KIAA1217: variants seen among roughly 807,000 people sequenced by gnomAD.
KIAA1217 encodes the protein KIAA1217.
KIAA1217 carries 88 observed loss-of-function variants against 163.9 expected under a neutral mutation model. That is an observed-to-expected ratio of 0.54 (90% CI 0.45 to 0.64). The LOEUF (loss-of-function observed/expected upper bound fraction) is 0.64. KIAA1217 is among the 30% of genes least tolerant of loss of function. The probability of loss-of-function intolerance (pLI) is 0.00; values close to 1 mark genes in which losing one functional copy is unlikely to be tolerated. For synonymous variants in KIAA1217, 903 were observed against 923.1 expected, an observed-to-expected ratio of 0.98 and a Z score of 0.39; for missense variants, 2,372 against 2,475.0, an observed-to-expected ratio of 0.96 and a Z score of 0.88.
At chr10:23,740,368 G>C (rs2130808604) in intron 1 of KIAA1217, among the ~76,000 whole-genome samples, 1 of 152,204 alleles carries the variant, frequency 6.6e-6, no homozygotes, top group East Asian at 1.9e-4. Flanking sequence ...GTATTAGATT[G>C]TTTTAGTTTT....
intron 3 of KIAA1217, among the ~76,000 whole-genome samples, chr10:24,393,390 G>A (rs577792694): frequency 4.6e-5 from 7 of 152,204 alleles, no homozygotes; most frequent in Non-Finnish European, 1.0e-4. Flanking sequence ...CCTGTCTGGA[G>A]ATGAGGTTCT....
Position 23,982,529 on chromosome 10 carries a change from TTCTCTCTCTCTCTCTCTC to T in KIAA1217, c.-320-24661_-320-24644del, listed in dbSNP as rs59075123. ...TCCTCTGTATTGCTCTGTTTTTTGT[TTCTCTCTCTCTCTCTCTC>T]TCTCTCTCTCTCTCTCTCTCTCTCT... On this transcript the variant is annotated intron_variant, in intron 1 of 18. Transcript: ENST00000376462. Among the ~76,000 whole-genome samples the T allele has an allele frequency of 6.5e-4, 48 of 73,628 alleles. No homozygotes were observed. The East Asian group carries it at 6.9e-3, about 11-fold the overall frequency. The allele number at this position is 73,628 out of a possible 152,430, so 48.3% of individuals were successfully genotyped here. A position where few individuals can be genotyped will look rare whatever the true frequency, so the allele number is the denominator to read the frequency against.
At chr10:23,975,265 C>T (rs1292677993) in intron 1 of KIAA1217, among the ~76,000 whole-genome samples, 1 of 152,150 alleles carries the variant, frequency 6.6e-6, no homozygotes, top group Non-Finnish European at 1.5e-5. Flanking sequence ...CCGTGGGTCT[C>T]TTGTCTGGCT....
At chr10:23,815,063 T>A (rs1422529759) in intron 1 of KIAA1217, among the ~76,000 whole-genome samples, 1 of 152,220 alleles carries the variant, frequency 6.6e-6, no homozygotes, top group Non-Finnish European at 1.5e-5. Flanking sequence ...AATGAGTAGA[T>A]GAGATCATGG....
intron 2 of KIAA1217, chr10:24,042,272 T>C (rs1426378329): frequency 2.6e-5 from 4 of 152,044 alleles, no homozygotes; most frequent in Non-Finnish European, 5.9e-5. Flanking sequence ...TGTTGTTTTT[T>C]CTGCCATTTA....
intron 2 of KIAA1217, among the ~76,000 whole-genome samples, chr10:24,159,296 A>C (rs999399617): frequency 6.6e-6 from 1 of 152,144 alleles, no homozygotes; most frequent in Admixed American, 6.5e-5. Flanking sequence ...GCATTCTTTT[A>C]AAAAAACCTA....
chr10:23,819,136 A>G (rs34813533), intron 1 of KIAA1217, among the ~76,000 whole-genome samples: 49,994 of 152,066 alleles, frequency 0.33, 9,935 homozygotes, highest in African/African-American at 0.56. Context: ...AAGGGTGCTG[A>G]TGGCACCTCA....
intron 1 of KIAA1217, among the ~76,000 whole-genome samples, chr10:23,980,774 A>G (rs1169013705): frequency 6.6e-6 from 1 of 152,148 alleles, no homozygotes; most frequent in Non-Finnish European, 1.5e-5. Context: ...CTTGGGTCAC[A>G]ATTCCGTTCA....
chr10:24,242,652 T>C lies in KIAA1217; in HGVS notation c.354+22743T>C, dbSNP rs529976557. Among the ~76,000 whole-genome samples the C allele has an allele frequency of 2.6e-5, 4 of 152,330 alleles. No homozygotes were observed. In the East Asian group the frequency reaches 5.8e-4, roughly 22 times the overall value. The stretch of plus-strand genomic sequence containing the variant: ...AATGGTAGTTCTGTTTTAAGCTCTT[T>C]GAGAAATCTCCACACTGCCTTCCAC... On this transcript the variant is annotated intron_variant, in intron 2 of 20. Coordinates refer to ENST00000376454, the MANE Select transcript of KIAA1217 (RefSeq NM_019590.5).
chr10:24,476,122 G>T (rs1471522421), intron 6 of KIAA1217, among the ~76,000 whole-genome samples: 2 of 152,152 alleles, frequency 1.3e-5, no homozygotes, highest in African/African-American at 4.8e-5. Context: ...GATTAGTTTA[G>T]ATGTAATATT....
intron 6 of KIAA1217, among the ~76,000 whole-genome samples, chr10:24,479,597 T>C (rs1181007023): frequency 6.6e-6 from 1 of 152,196 alleles, no homozygotes; most frequent in East Asian, 1.9e-4. Flanking sequence ...TTGTAGGATG[T>C]TGTCTTAGTC....
intron 1 of KIAA1217, among the ~76,000 whole-genome samples, chr10:23,790,000 TATGCAC>T (rs751056355): frequency 2.8e-5 from 3 of 108,070 alleles, no homozygotes; most frequent in Admixed American, 2.0e-4. Flanking sequence ...CATATACACA[TATGCAC>T]ATACACATAT....
Position 24,177,586 on chromosome 10 carries a change from ATGTAAATC to A in KIAA1217, c.-170-42035_-170-42028del, listed in dbSNP as rs1390984989. Among the ~76,000 whole-genome samples the A allele has an allele frequency of 2.6e-5, 4 of 152,012 alleles. No individual in the cohort carries two copies. In the South Asian group the frequency reaches 6.2e-4, roughly 24 times the overall value. ...ACAGACATTTTTTGACCTGTGATAT[ATGTAAATC>A]TGTATAATAAAGATATTCTACTACT... On this transcript the variant is annotated intron_variant, in intron 2 of 18. Transcript: ENST00000376462.
At chr10:24,245,265 G>A (rs1543739) in intron 2 of KIAA1217, among the ~76,000 whole-genome samples, 59,159 of 152,014 alleles carry the variant, frequency 0.39, 11,851 homozygotes, top group African/African-American at 0.44. Context: ...AAACGCACAT[G>A]ATCATGCTGG....
intron 2 of KIAA1217, among the ~76,000 whole-genome samples, chr10:24,186,192 C>T (rs1436633348): frequency 2.0e-5 from 3 of 148,050 alleles, no homozygotes; most frequent in Non-Finnish European, 2.9e-5. Flanking sequence ...TTTGCCCTGA[C>T]TTTTTCAATT....
chr10:24,340,716 T>C (rs1473926696), intron 2 of KIAA1217, among the ~76,000 whole-genome samples: 1 of 152,176 alleles, frequency 6.6e-6, no homozygotes, highest in African/African-American at 2.4e-5. Context: ...TCCTGAGAGT[T>C]TTCTTCTGCT....
intron 2 of KIAA1217, among the ~76,000 whole-genome samples, chr10:24,235,760 C>T (rs11013987): frequency 0.013 from 1,936 of 152,188 alleles, 27 homozygotes; most frequent in African/African-American, 0.037. Flanking sequence ...TGAACTACCC[C>T]AGACTCCAGT....
chr10:23,856,829 A>T (rs1274899197), intron 1 of KIAA1217, among the ~76,000 whole-genome samples: 1 of 152,270 alleles, frequency 6.6e-6, no homozygotes, highest in Middle Eastern at 3.4e-3. Context: ...GCGGGATATA[A>T]TCTCCTGGTG....
At chr10:24,172,687 G>C (rs1272716404) in intron 2 of KIAA1217, among the ~76,000 whole-genome samples, 1 of 152,152 alleles carries the variant, frequency 6.6e-6, no homozygotes, top group Non-Finnish European at 1.5e-5. Flanking sequence ...GAAATAACCT[G>C]TTGAAGATCT....
Sources: gnomAD v4.1 joint callset for allele counts (sites outside exome capture counted in the v4.1 genomes callset) on GRCh38, gnomAD v4.1.1 for gene constraint, MANE v1.5 for transcripts, NCBI Gene and HGNC (gene_info 2026-07-23, HGNC 2026-07-21) for gene names.